The following CNOT4 variants were observed in gnomAD, a reference collection of about 807,000 sequenced individuals.
The protein encoded by CNOT4 is CCR4-NOT transcription complex subunit 4, also known as CCR4-associated factor 4.
CNOT4 carries 8 observed loss-of-function variants against 73.8 expected under a neutral mutation model. That is an observed-to-expected ratio of 0.11 (90% CI 0.06 to 0.20). The LOEUF is 0.20. CNOT4 is among the 10% of genes least tolerant of loss of function. The pLI is 1.00. For synonymous variants in CNOT4, 293 were observed against 321.1 expected (o/e 0.91, Z 0.94); for missense variants, 564 against 883.4 (o/e 0.64, Z 4.58).
intron 1 of CNOT4, among the ~76,000 whole-genome samples, chr7:135,506,422 G>C (rs964806831): frequency 6.6e-6 from 1 of 152,156 alleles, no homozygotes; most frequent in Admixed American, 6.5e-5. Context: ...TACTGTAAGA[G>C]AGCTAACTAA....
At chr7:135,494,343 G>A (rs762133731) in intron 1 of CNOT4, among the ~76,000 whole-genome samples, 29 of 151,780 alleles carry the variant, frequency 1.9e-4, no homozygotes, top group South Asian at 1.0e-3. Flanking sequence ...GGTAGTGCGC[G>A]CCTGTAATCC....
chr7:135,491,183 T>C (rs529995936), intron 1 of CNOT4, among the ~76,000 whole-genome samples: 18 of 152,300 alleles, frequency 1.2e-4, no homozygotes, highest in African/African-American at 2.2e-4. Context: ...CCATTCAACA[T>C]AGGCAACTGG....
chr7:135,487,944 C>A (rs938299504), intron 1 of CNOT4, among the ~76,000 whole-genome samples: 1 of 152,014 alleles, frequency 6.6e-6, no homozygotes, highest in Non-Finnish European at 1.5e-5. Context: ...GTAGTCCCAG[C>A]TACTCGGGAG....
chr7:135,444,620 T>C (rs1197308927), intron 1 of CNOT4: 8 of 1,277,102 alleles, frequency 6.3e-6, no homozygotes, highest in Non-Finnish European at 9.2e-6. Context: ...CGAGCCACCA[T>C]TCTGGTTCCA....
intron 3 of CNOT4, among the ~76,000 whole-genome samples, chr7:135,417,552 A>G (rs909278780): frequency 9.9e-5 from 15 of 152,216 alleles, no homozygotes; most frequent in Admixed American, 9.2e-4. Context: ...TTTTCTGGCC[A>G]ACGTTTGGGT....
At chr7:135,450,464 A>G (rs1800090559) in intron 1 of CNOT4, among the ~76,000 whole-genome samples, 1 of 152,022 alleles carries the variant, frequency 6.6e-6, no homozygotes, top group South Asian at 2.1e-4. Context: ...TATTCTGGTT[A>G]AAAGTAATCC....
intron 2 of CNOT4, among the ~76,000 whole-genome samples, chr7:135,431,801 A>G (rs557961023): frequency 0.062 from 2 of 32 alleles, no homozygotes; most frequent in Non-Finnish European, 0.14. Context: ...TATGGATAAT[A>G]TAACAAACAT....
At chr7:135,409,593 T>A (rs1797485462) in intron 7 of CNOT4, among the ~76,000 whole-genome samples, 1 of 152,102 alleles carries the variant, frequency 6.6e-6, no homozygotes, top group Admixed American at 6.6e-5. Flanking sequence ...TTGAAAATAG[T>A]TCTTACATCA....
At chr7:135,478,252 A>G (rs1016690873) in intron 1 of CNOT4, among the ~76,000 whole-genome samples, 14 of 152,212 alleles carry the variant, frequency 9.2e-5, no homozygotes, top group Non-Finnish European at 1.9e-4. Flanking sequence ...TATAGCAATT[A>G]AGAACCAAAA....
intron 2 of CNOT4, among the ~76,000 whole-genome samples, chr7:135,428,970 T>C (rs1798666071): frequency 1.3e-5 from 2 of 152,118 alleles, no homozygotes; most frequent in Admixed American, 1.3e-4. Context: ...CAAATTTATC[T>C]GTACAAAGTT....
intron 10 of CNOT4, among the ~76,000 whole-genome samples, chr7:135,373,590 T>C (rs1244040548): frequency 1.3e-5 from 2 of 152,216 alleles, no homozygotes; most frequent in Non-Finnish European, 2.9e-5. Flanking sequence ...TTTATTTTTA[T>C]TTTTTGAAAC....
chr7:135,499,482 A>G (rs1323889713), intron 1 of CNOT4, among the ~76,000 whole-genome samples: 1 of 152,110 alleles, frequency 6.6e-6, no homozygotes, highest in Non-Finnish European at 1.5e-5. Context: ...CACTGTATGA[A>G]TTAAAAAAAA....
At chr7:135,482,790 G>A (rs971266544) in intron 1 of CNOT4, among the ~76,000 whole-genome samples, 3 of 151,788 alleles carry the variant, frequency 2.0e-5, no homozygotes, top group South Asian at 2.1e-4. Context: ...AGACCAGCCT[G>A]GCCAACGTGG....
At chr7:135,384,289 CTT>C (rs950354107) in intron 10 of CNOT4, 127 of 155,874 alleles carry the variant, frequency 8.1e-4, no homozygotes, top group South Asian at 2.5e-3. Flanking sequence ...CTCTCTCTCT[CTT>C]TTTTTTTTTT....
At position 135,496,631 on chromosome 7, in the gene CNOT4, C is replaced by CCTCT. The variant is rs112838755; in HGVS notation, c.-93+13254_-93+13257dup. ...CAACACTATCCTGAATCTTCCTATT[C>CCTCT]CTCTCTCTCTCTCTCTCTCTCTCTG... On this transcript the variant is annotated intron_variant, in intron 1 of 11. Coordinates refer to ENST00000541284, the MANE Select transcript of CNOT4 (RefSeq NM_001190850.2). 1.4e-3 allele frequency among the ~76,000 whole-genome samples: 207 copies of CCTCT among 148,570 alleles called. 2 individuals carry two copies. The highest frequency in any genetic ancestry group is 4.4e-3 in the African/African-American group (179 of 40,494).
intron 8 of CNOT4, 92 bp downstream of exon 8, chr7:135,398,077 C>T: frequency 1.4e-6 from 1 of 730,884 alleles, no homozygotes; most frequent in Non-Finnish European, 2.5e-6. Context: ...TAAATTGTGT[C>T]AGTAAAGTAT....
At chr7:135,495,757 A>G (rs931524134) in intron 1 of CNOT4, among the ~76,000 whole-genome samples, 6 of 138,436 alleles carry the variant, frequency 4.3e-5, no homozygotes, top group Admixed American at 7.2e-5. Flanking sequence ...AAAGAAAGAA[A>G]GAAAGAAATT....
intron 3 of CNOT4, among the ~76,000 whole-genome samples, chr7:135,415,512 CTA>C (rs1397972319): frequency 6.6e-6 from 1 of 152,022 alleles, no homozygotes; most frequent in Non-Finnish European, 1.5e-5. Context: ...GTATTATCTA[CTA>C]TGTTCTAATA....
chr7:135,499,444 A>T (rs1402481568), intron 1 of CNOT4, among the ~76,000 whole-genome samples: 1 of 152,132 alleles, frequency 6.6e-6, no homozygotes. Context: ...CCCCAAGGCC[A>T]CTCACAGAAA....
Sources: allele counts gnomAD v4.1 joint callset (sites outside exome capture counted in the v4.1 genomes callset), GRCh38; gene constraint gnomAD v4.1.1; transcripts MANE v1.5; gene names NCBI Gene and HGNC (gene_info 2026-07-23, HGNC 2026-07-21).